The following PCDHA1 variants were observed in gnomAD, a reference collection of about 807,000 sequenced individuals.
PCDHA1 encodes protocadherin alpha 1.
Under a neutral mutation model 61.3 loss-of-function variants are expected in PCDHA1, and 42 were observed. That is an observed-to-expected ratio of 0.69 (90% CI 0.54 to 0.89). The LOEUF (loss-of-function observed/expected upper bound fraction) is 0.89, where lower values mean the gene tolerates loss of function less well. Among genes scored for constraint, PCDHA1 ranks in the 40% least tolerant of loss-of-function variants. The probability of loss-of-function intolerance (pLI) is 0.00; values close to 1 mark genes in which losing one functional copy is unlikely to be tolerated. For missense variants in PCDHA1, 1,256 were observed against 1,235.3 expected (o/e 1.02, Z -0.25); for synonymous variants, 610 against 553.8 (o/e 1.10, Z -1.43).
chr5:141,011,626 C>T lies in PCDHA1; in HGVS notation c.*1689C>T, dbSNP rs1340546254. 6.5e-6 allele frequency: 1 copy of T among 153,668 alleles called. No individual in the cohort carries two copies. Among genetic ancestry groups the T allele is most frequent in the Non-Finnish European group, 1.5e-5 (1 of 68,026 alleles). The allele number at this position is 153,668 out of a possible 1,614,324, so 9.5% of individuals were successfully genotyped here. On this transcript the variant is annotated 3_prime_UTR_variant, in exon 4 of 4. Transcript: ENST00000504120. Reference sequence around the variant, plus strand: ...ATTTTATTTATGGTCCAGCCAAGAGCCATCTCGTGCCAAGACTTCTGCTGG... The same window carrying T: ...ATTTTATTTATGGTCCAGCCAAGAGTCATCTCGTGCCAAGACTTCTGCTGG...
chr5:140,883,330 T>G, intron 1 of PCDHA1: 3 of 1,614,182 alleles, frequency 1.9e-6, no homozygotes, highest in Middle Eastern at 1.6e-4. Flanking sequence ...CCATCACTTC[T>G]TTGTCACTCC....
Position 140,801,608 on chromosome 5 carries a change from A to G in PCDHA1, c.2394+12924A>G, listed in dbSNP as rs61730634. The G allele has an allele frequency of 0.021, 34,379 of 1,614,172 alleles. 441 individuals are homozygous for G. The highest frequency in any genetic ancestry group is 0.026 in the Non-Finnish European group (30,427 of 1,180,026). Reference sequence around the variant, plus strand: ...ACGCGCCAGTTTTTCCAATGGCTGTAAAGAATCTGTTTATTTCCGAATCCC... The same window carrying G: ...ACGCGCCAGTTTTTCCAATGGCTGTGAAGAATCTGTTTATTTCCGAATCCC... On this transcript the variant is annotated intron_variant, in intron 1 of 3. Transcript: ENST00000504120.
In PCDHA1 at chr5:140,838,362, G is replaced by A. The variant is rs145931945; in HGVS notation, c.2394+49678G>A. Among the ~76,000 whole-genome samples, 553 of 150,200 alleles carry A rather than the reference G, an allele frequency of 3.7e-3. 7 individuals carry two copies. Among genetic ancestry groups the A allele is most frequent in the African/African-American group, 0.013 (527 of 40,560 alleles). ...TGGTCTCGAAATCTGGGACTCAAGT[G>A]ATCTGACTGCCTCAGCCTCCCAATG... is the stretch of plus-strand genomic sequence containing the variant. On this transcript the variant is annotated intron_variant, in intron 1 of 3. Coordinates refer to ENST00000504120, the MANE Select transcript of PCDHA1 (RefSeq NM_018900.4).
At chr5:140,907,915 C>T (rs1554193177) in intron 1 of PCDHA1, among the ~76,000 whole-genome samples, 1 of 152,234 alleles carries the variant, frequency 6.6e-6, no homozygotes, top group Admixed American at 6.5e-5. Context: ...TTTGACCACT[C>T]AGAGAGGTCC....
intron 1 of PCDHA1, chr5:140,809,040 C>G: frequency 1.2e-6 from 2 of 1,613,822 alleles, no homozygotes; most frequent in Non-Finnish European, 1.7e-6. Flanking sequence ...ACTGGTGGCG[C>G]GCGCATCCCG....
At chr5:140,989,296 G>A (rs1587341853) in intron 3 of PCDHA1, among the ~76,000 whole-genome samples, 1 of 152,128 alleles carries the variant, frequency 6.6e-6, no homozygotes, top group South Asian at 2.1e-4. Context: ...TGTCACAAAG[G>A]GCCAAGGAAG....
intron 3 of PCDHA1, among the ~76,000 whole-genome samples, chr5:140,997,129 C>A (rs983112049): frequency 6.6e-6 from 1 of 151,976 alleles, no homozygotes; most frequent in Non-Finnish European, 1.5e-5. Flanking sequence ...ATACACAATG[C>A]CCCCACACCC....
At chr5:140,796,237 G>A (rs1554119777) in intron 1 of PCDHA1, 2 of 1,614,044 alleles carry the variant, frequency 1.2e-6, no homozygotes, top group Non-Finnish European at 1.7e-6. Context: ...TGAGCTGGTG[G>A]TGACCGCACG....
chr5:140,879,479 G>A (rs992823540), intron 1 of PCDHA1, among the ~76,000 whole-genome samples: 10 of 152,196 alleles, frequency 6.6e-5, no homozygotes, highest in Non-Finnish European at 1.3e-4. Context: ...GTTGTGATTG[G>A]AAATATGGGT....
chr5:140,989,004 CTTA>C (rs1445940440), intron 3 of PCDHA1: 15 of 152,184 alleles, frequency 9.9e-5, no homozygotes, highest in African/African-American at 3.4e-4. Context: ...GAAATAGAGA[CTTA>C]TTATAGTTTC....
chr5:140,884,709 C>T (rs2060331114), intron 1 of PCDHA1: 1 of 1,477,632 alleles, frequency 6.8e-7, no homozygotes. Context: ...CTTTAGCCTT[C>T]CTTGCAGTTG....
chr5:140,960,249 T>C (rs2095534563), intron 1 of PCDHA1, among the ~76,000 whole-genome samples: 1 of 152,210 alleles, frequency 6.6e-6, no homozygotes, highest in African/African-American at 2.4e-5. Flanking sequence ...AGAAGCTTCC[T>C]GGAGCTTCTG....
At chr5:140,958,139 A>T (rs1196467618) in intron 1 of PCDHA1, among the ~76,000 whole-genome samples, 2 of 152,112 alleles carry the variant, frequency 1.3e-5, no homozygotes, top group African/African-American at 2.4e-5. Context: ...CAGTGTGTAT[A>T]TTTATATAGC....
Position 140,882,921 on chromosome 5 carries a change from G to A in PCDHA1, c.2394+94237G>A, listed in dbSNP as rs1554176106. ...TTATTACTGACAGCCAGTGATGGAG[G>A]TAAACCCGAGCTGACTGGCACAGTT... On this transcript the variant is annotated intron_variant, in intron 1 of 3. Coordinates refer to ENST00000504120, the MANE Select transcript of PCDHA1 (RefSeq NM_018900.4). 5.0e-6 allele frequency: 8 copies of A among 1,614,194 alleles called. No individual in the cohort carries two copies. Among genetic ancestry groups the A allele is most frequent in the Non-Finnish European group, 6.8e-6 (8 of 1,180,048 alleles).
chr5:140,836,286 C>G lies in PCDHA1; in HGVS notation c.2394+47602C>G, dbSNP rs146878440. 2.7e-4 allele frequency: 429 copies of G among 1,613,656 alleles called. 1 individual carries two copies. Among genetic ancestry groups the G allele is most frequent in the Non-Finnish European group, 5.8e-5 (68 of 1,179,818 alleles). ...GTACACTGGTGAGATCAGCACGACACGAGCCCTAGATGAGACGGACGCACC... is the reference window on the plus strand; with the variant it reads ...GTACACTGGTGAGATCAGCACGACAGGAGCCCTAGATGAGACGGACGCACC... On this transcript the variant is annotated intron_variant, in intron 1 of 3. Coordinates refer to ENST00000504120, the MANE Select transcript of PCDHA1 (RefSeq NM_018900.4).
intron 3 of PCDHA1, among the ~76,000 whole-genome samples, chr5:140,994,116 T>C: frequency 6.6e-6 from 1 of 152,196 alleles, no homozygotes; most frequent in East Asian, 1.9e-4. Context: ...CATTGTCATG[T>C]GATAAGGGCG....
At chr5:140,997,091 G>A (rs73268064) in intron 3 of PCDHA1, among the ~76,000 whole-genome samples, 546 of 152,154 alleles carry the variant, frequency 3.6e-3, no homozygotes, top group Middle Eastern at 0.014. Flanking sequence ...AGAAAGTGCA[G>A]AGTTCTCATG....
chr5:140,954,405 G>T (rs246023), intron 1 of PCDHA1, among the ~76,000 whole-genome samples: 85,299 of 151,648 alleles, frequency 0.56, 24,568 homozygotes, highest in African/African-American at 0.69. Context: ...CCACCAACAG[G>T]GTAAAGGTGT....
At chr5:140,942,907 C>T (rs990206907) in intron 1 of PCDHA1, among the ~76,000 whole-genome samples, 14 of 151,044 alleles carry the variant, frequency 9.3e-5, no homozygotes, top group Non-Finnish European at 1.6e-4. Flanking sequence ...TAAGAATAAG[C>T]GTGAAGAAAA....
Sources: allele counts gnomAD v4.1 joint callset (sites outside exome capture counted in the v4.1 genomes callset), GRCh38; gene constraint gnomAD v4.1.1; transcripts MANE v1.5; gene names NCBI Gene and HGNC (gene_info 2026-07-23, HGNC 2026-07-21).